Variants in OR2C1 observed in about 807,000 individuals in gnomAD.
OR2C1 encodes the protein olfactory receptor family 2 subfamily C member 1, also known as olfactory receptor 2C1.
For missense variants in OR2C1, 468 were observed against 388.3 expected (o/e 1.21, Z -1.73); for synonymous variants, 209 against 167.3 (o/e 1.25, Z -1.92).
Position 3,357,042 on chromosome 16 carries a change from G to A in OR2C1, c.*163G>A, listed in dbSNP as rs2030693498. On this transcript the variant is annotated 3_prime_UTR_variant, in exon 1 of 1. Transcript: ENST00000304936. ...CTAAGCTGTTGGGAACATGGTTAGT[G>A]TTATTCGTAATGTTCTACACTTATT... 2 of 644,622 alleles carry A rather than the reference G, an allele frequency of 3.1e-6. No homozygotes were observed. The highest frequency in any genetic ancestry group is 4.3e-4 in the Middle Eastern group (1 of 2,326). The allele number at this position is 644,622 out of a possible 1,614,324, so 39.9% of individuals were successfully genotyped here.
the OR2C1 span, among the ~76,000 whole-genome samples, chr16:3,341,569 T>C: frequency 6.6e-6 from 1 of 152,234 alleles, no homozygotes; most frequent in South Asian, 2.1e-4. Context: ...ATTGAAGATT[T>C]TCACAACCCC....
chr16:3,345,170 T>A, the OR2C1 span, among the ~76,000 whole-genome samples: 1 of 151,668 alleles, frequency 6.6e-6, no homozygotes, highest in Admixed American at 6.6e-5. Flanking sequence ...AAAAAGTGAA[T>A]TAAAAAGTAA....
At chr16:3,344,895 T>G in the OR2C1 span, among the ~76,000 whole-genome samples, 6 of 152,110 alleles carry the variant, frequency 3.9e-5, no homozygotes, top group Non-Finnish European at 7.4e-5. Context: ...TTATCCGTTA[T>G]GGACTCCCCT....
chr16:3,345,410 C>T, the OR2C1 span, among the ~76,000 whole-genome samples: 1 of 151,620 alleles, frequency 6.6e-6, no homozygotes, highest in South Asian at 2.1e-4. Context: ...GACGTGAACC[C>T]AGGAGGCAGA....
upstream of OR2C1, among the ~76,000 whole-genome samples, chr16:3,355,313 C>T (rs1018711728): frequency 4.6e-5 from 7 of 151,526 alleles, no homozygotes; most frequent in Non-Finnish European, 7.4e-5. Context: ...CAAAAATTAG[C>T]CAGGCATGGT....
At chr16:3,326,819 TG>T in the OR2C1 span, among the ~76,000 whole-genome samples, 1 of 152,202 alleles carries the variant, frequency 6.6e-6, no homozygotes, top group Non-Finnish European at 1.5e-5. Flanking sequence ...TTCTTGAAAC[TG>T]GGACATAGAT....
At chr16:3,334,957 T>G in the OR2C1 span, among the ~76,000 whole-genome samples, 1 of 152,086 alleles carries the variant, frequency 6.6e-6, no homozygotes, top group African/African-American at 2.4e-5. Flanking sequence ...TAGCTGGGAT[T>G]ATAGGTGTGT....
chr16:3,355,457 C>CAAAAAAAAAAAAAAAAAAAAAAAAAAA (rs56022625), upstream of OR2C1, among the ~76,000 whole-genome samples: 2 of 45,506 alleles, frequency 4.4e-5, no homozygotes, highest in African/African-American at 1.6e-4. Flanking sequence ...GACTCTGTCT[C>CAAAAAAAAAAAAAAAAAAAAAAAAAAA]AAAAAAAAAA....
At chr16:3,345,474 A>C in the OR2C1 span, among the ~76,000 whole-genome samples, 1 of 128,746 alleles carries the variant, frequency 7.8e-6, no homozygotes, top group African/African-American at 3.0e-5. Context: ...TGACAGAGTG[A>C]GACTCTGTCT....
chr16:3,326,648 C>G, the OR2C1 span, among the ~76,000 whole-genome samples: 1 of 152,188 alleles, frequency 6.6e-6, no homozygotes, highest in Non-Finnish European at 1.5e-5. Context: ...GAGAATGTGA[C>G]CCAACCTCAG....
chr16:3,346,322 T>A, the OR2C1 span, among the ~76,000 whole-genome samples: 1 of 152,042 alleles, frequency 6.6e-6, no homozygotes, highest in Admixed American at 6.6e-5. Context: ...GTTGAATGAA[T>A]AAATAAATAG....
the OR2C1 span, among the ~76,000 whole-genome samples, chr16:3,335,582 A>G: frequency 5.7e-5 from 7 of 122,608 alleles, no homozygotes; most frequent in South Asian, 5.3e-4. Context: ...GCTGGAGTGC[A>G]GTAGCGCAAT....
chr16:3,324,528 T>G, the OR2C1 span, among the ~76,000 whole-genome samples: 3 of 152,224 alleles, frequency 2.0e-5, no homozygotes, highest in African/African-American at 7.2e-5. Context: ...CAAATCAAAG[T>G]ACTCACTCTA....
chr16:3,334,931 G>T, the OR2C1 span, among the ~76,000 whole-genome samples: 1 of 151,788 alleles, frequency 6.6e-6, no homozygotes, highest in South Asian at 2.1e-4. Context: ...TGATTCTCCT[G>T]CCTTAGCCTC....
chr16:3,335,319 A>T, the OR2C1 span, among the ~76,000 whole-genome samples: 10 of 152,102 alleles, frequency 6.6e-5, no homozygotes, highest in Non-Finnish European at 1.5e-4. Flanking sequence ...AGTATGGAAT[A>T]TGTTTCCATT....
the OR2C1 span, among the ~76,000 whole-genome samples, chr16:3,341,367 G>C: frequency 6.6e-6 from 1 of 151,958 alleles, no homozygotes; most frequent in Admixed American, 6.6e-5. Flanking sequence ...GGGATTTTCT[G>C]TATATATGAT....
chr16:3,327,522 C>A, the OR2C1 span, among the ~76,000 whole-genome samples: 2 of 151,756 alleles, frequency 1.3e-5, no homozygotes, highest in African/African-American at 4.8e-5. Context: ...TAAGAAGACC[C>A]TCTTGACCTC....
chr16:3,347,225 T>G, the OR2C1 span, among the ~76,000 whole-genome samples: 2 of 116,342 alleles, frequency 1.7e-5, no homozygotes, highest in African/African-American at 6.7e-5. Context: ...CCAACCTGGG[T>G]GACAGACCAG....
the OR2C1 span, chr16:3,323,706 T>A: frequency 1.5e-6 from 1 of 685,920 alleles, no homozygotes; most frequent in Non-Finnish European, 2.6e-6. Flanking sequence ...CGAGGTTTCA[T>A]TTCTAGTCAT....
Sources: gnomAD v4.1 joint callset for allele counts (sites outside exome capture counted in the v4.1 genomes callset) on GRCh38, gnomAD v4.1.1 for gene constraint, MANE v1.5 for transcripts, NCBI Gene and HGNC (gene_info 2026-07-23, HGNC 2026-07-21) for gene names.